FHL5: variants seen among roughly 807,000 people sequenced by gnomAD.
FHL5 encodes the protein four and a half LIM domains protein 5.
Under a neutral mutation model 32.0 loss-of-function variants are expected in FHL5, and 33 were observed. The ratio of observed to expected loss-of-function variants is 1.03; its 90% CI spans 0.78 to 1.38. The LOEUF is 1.38. Ranked by LOEUF, FHL5 falls within the 40% of genes most tolerant of loss-of-function variation. FHL5 has a pLI of 0.00. For missense variants in FHL5, 336 were observed against 343.9 expected (o/e 0.98, Z 0.18); for synonymous variants, 114 against 113.6 (o/e 1.00, Z -0.02).
intron 1 of FHL5, among the ~76,000 whole-genome samples, chr6:96,564,884 G>A (rs1770319309): frequency 6.6e-6 from 1 of 152,056 alleles, no homozygotes; most frequent in South Asian, 2.1e-4. Context: ...TTGAAGGAGA[G>A]GAAGAGAAGA....
chr6:96,571,556 G>T (rs1770479075), intron 1 of FHL5, among the ~76,000 whole-genome samples: 1 of 152,120 alleles, frequency 6.6e-6, no homozygotes, highest in African/African-American at 2.4e-5. Flanking sequence ...AACTGGGCTT[G>T]GGGTGCAGCT....
chr6:96,605,189 A>G (rs1034335472), intron 3 of FHL5, among the ~76,000 whole-genome samples: 5 of 152,252 alleles, frequency 3.3e-5, no homozygotes, highest in Admixed American at 1.3e-4. Flanking sequence ...CATAAAATAA[A>G]GACAAAATGT....
At chr6:96,607,550 C>T (rs1035614963) in intron 4 of FHL5, among the ~76,000 whole-genome samples, 1 of 152,160 alleles carries the variant, frequency 6.6e-6, no homozygotes, top group Non-Finnish European at 1.5e-5. Flanking sequence ...CAATTGATCA[C>T]ATGACATAAA....
intron 1 of FHL5, among the ~76,000 whole-genome samples, chr6:96,564,704 G>A (rs1054652481): frequency 6.6e-6 from 1 of 151,974 alleles, no homozygotes; most frequent in Non-Finnish European, 1.5e-5. Context: ...TTTTTCAATC[G>A]AGGGAACATG....
chr6:96,607,365 C>G (rs914824131), intron 4 of FHL5, among the ~76,000 whole-genome samples: 5 of 149,478 alleles, frequency 3.3e-5, no homozygotes, highest in African/African-American at 1.3e-4. Context: ...GGAAGTCACA[C>G]TACCACTTTC....
chr6:96,588,107 G>C (rs1562057331), intron 1 of FHL5, among the ~76,000 whole-genome samples: 1 of 152,190 alleles, frequency 6.6e-6, no homozygotes, highest in Non-Finnish European at 1.5e-5. Flanking sequence ...CACATGAAAG[G>C]TATATGTTCA....
intron 1 of FHL5, among the ~76,000 whole-genome samples, chr6:96,585,384 G>T (rs1399574762): frequency 6.6e-6 from 1 of 152,088 alleles, no homozygotes; most frequent in Admixed American, 6.6e-5. Context: ...GCTGAGCATA[G>T]ATATATTTAT....
chr6:96,601,861 C>T (rs572296437), intron 1 of FHL5, among the ~76,000 whole-genome samples: 135 of 152,300 alleles, frequency 8.9e-4, no homozygotes, highest in African/African-American at 2.8e-3. Flanking sequence ...TCCAAGCCTT[C>T]GGTAACCCTC....
At chr6:96,590,738 A>C (rs1229863039) in intron 1 of FHL5, among the ~76,000 whole-genome samples, 1 of 152,184 alleles carries the variant, frequency 6.6e-6, no homozygotes, top group South Asian at 2.1e-4. Flanking sequence ...GTTTTTTTAA[A>C]CCACATTGAA....
chr6:96,600,548 A>T (rs982871952), intron 1 of FHL5, among the ~76,000 whole-genome samples: 1 of 151,934 alleles, frequency 6.6e-6, no homozygotes, highest in Non-Finnish European at 1.5e-5. Flanking sequence ...CTTCCTTAAG[A>T]TCTTCCTAGG....
intron 2 of FHL5, among the ~76,000 whole-genome samples, 175 bp from the exon 3 acceptor site, chr6:96,604,575 C>T (rs1771229689): frequency 6.6e-6 from 1 of 151,930 alleles, no homozygotes; most frequent in African/African-American, 2.4e-5. Context: ...GGCTCTAGCT[C>T]TTAATTACCC....
At chr6:96,603,825 G>A in intron 2 of FHL5, 53 bp downstream of exon 2, 1 of 1,410,342 alleles carries the variant, frequency 7.1e-7, no homozygotes, top group South Asian at 1.3e-5. Flanking sequence ...CAAACAAGTG[G>A]GTTGGAGTGC....
intron 1 of FHL5, among the ~76,000 whole-genome samples, chr6:96,568,993 T>G (rs77790164): frequency 0.012 from 1,787 of 151,984 alleles, 33 homozygotes; most frequent in African/African-American, 0.034. Context: ...ATTTTGGGCT[T>G]GGTTTACTCT....
At chr6:96,613,201 A>G (rs1771448576) in intron 5 of FHL5, among the ~76,000 whole-genome samples, 1 of 149,854 alleles carries the variant, frequency 6.7e-6, no homozygotes, top group Admixed American at 6.6e-5. Flanking sequence ...ATACAAAAAC[A>G]TGTTATATAA....
intron 2 of FHL5, 139 bp from the exon 3 acceptor site, chr6:96,604,611 C>T (rs41292852): frequency 1.5e-5 from 8 of 544,120 alleles, no homozygotes; most frequent in Non-Finnish European, 2.4e-5. Flanking sequence ...CTATGGGTAA[C>T]AGTTTCAGTA....
intron 1 of FHL5, among the ~76,000 whole-genome samples, chr6:96,565,102 T>A (rs1451556402): frequency 6.7e-6 from 1 of 150,374 alleles, no homozygotes; most frequent in Non-Finnish European, 1.5e-5. Flanking sequence ...TAAAAATAAA[T>A]AATCAGCTTA....
intron 1 of FHL5, among the ~76,000 whole-genome samples, chr6:96,564,756 G>A (rs1020473870): frequency 1.1e-4 from 17 of 152,134 alleles, no homozygotes; most frequent in Non-Finnish European, 4.4e-5. Context: ...GTTCGCATGG[G>A]AAGCTCTGAA....
intron 1 of FHL5, among the ~76,000 whole-genome samples, chr6:96,580,844 CT>C (rs1770682332): frequency 6.6e-6 from 1 of 152,068 alleles, no homozygotes; most frequent in African/African-American, 2.4e-5. Flanking sequence ...TTTAAAACTG[CT>C]TTATAGGCTC....
chr6:96,573,552 G>A (rs1355826427), intron 1 of FHL5, among the ~76,000 whole-genome samples: 1 of 32,918 alleles, frequency 3.0e-5, no homozygotes, highest in East Asian at 9.8e-4. Flanking sequence ...TTTTTTTTTT[G>A]AGACGGAGGC....
Sources: allele counts gnomAD v4.1 joint callset (sites outside exome capture counted in the v4.1 genomes callset), GRCh38; gene constraint gnomAD v4.1.1; transcripts MANE v1.5; gene names NCBI Gene and HGNC (gene_info 2026-07-23, HGNC 2026-07-21).